SLC7A5: variants seen among roughly 807,000 people sequenced by gnomAD.
The protein encoded by SLC7A5 is solute carrier family 7 member 5.
SLC7A5 carries 23 observed loss-of-function variants against 50.2 expected under a neutral mutation model. The ratio of observed to expected loss-of-function variants is 0.46; its 90% CI spans 0.33 to 0.65. The LOEUF is 0.65. Ranked by LOEUF, SLC7A5 falls within the 30% of genes least tolerant of loss-of-function variation. The pLI is 0.02. For synonymous variants in SLC7A5, 393 were observed against 330.6 expected, an observed-to-expected ratio of 1.19 and a Z score of -2.05; for missense variants, 578 against 684.4, an observed-to-expected ratio of 0.84 and a Z score of 1.73.
Position 87,834,638 on chromosome 16 carries a change from C to T in SLC7A5, c.1291-47G>A, listed in dbSNP as rs748244857. On this transcript the variant is annotated intron_variant, in intron 8 of 9. Transcript: ENST00000261622. ...GGGTGAGCCCTCTCCTGTCCAGCCT[C>T]CCTCCCCCATGCCCCGAGGTTCCTC... is the stretch of plus-strand genomic sequence containing the variant. 5 of 1,552,756 alleles carry T rather than the reference C, an allele frequency of 3.2e-6. No individual in the cohort carries two copies. The Admixed American group carries it at 7.8e-5, about 24-fold the overall frequency.
chr16:87,847,605 C>A (rs75766238), intron 2 of SLC7A5, among the ~76,000 whole-genome samples: 75 of 152,294 alleles, frequency 4.9e-4, no homozygotes, highest in African/African-American at 1.8e-3. Context: ...TGACACCCCA[C>A]GTGAACCTCC....
At chr16:87,865,160 G>C (rs2055444635) in intron 1 of SLC7A5, among the ~76,000 whole-genome samples, 1 of 151,950 alleles carries the variant, frequency 6.6e-6, no homozygotes, top group Non-Finnish European at 1.5e-5. Flanking sequence ...CACTCTTGCA[G>C]AGAGTACATC....
rs2055216480 is a variant in SLC7A5 at position 87,851,064 on chromosome 16, C to T, written c.664+660G>A. Among the ~76,000 whole-genome samples the T allele has an allele frequency of 3.9e-5, 6 of 152,344 alleles. No homozygotes were observed. In the South Asian group the frequency reaches 1.2e-3, roughly 32 times the overall value. On this transcript the variant is annotated intron_variant, in intron 2 of 9. Coordinates refer to ENST00000261622, the MANE Select transcript of SLC7A5 (RefSeq NM_003486.7). ...TCAGAATCAGTGATTTCCCCAAGATCACACAGCACAAGACCAAAGTCTGGG... is the reference window on the plus strand; with the variant it reads ...TCAGAATCAGTGATTTCCCCAAGATTACACAGCACAAGACCAAAGTCTGGG...
intron 1 of SLC7A5, among the ~76,000 whole-genome samples, chr16:87,857,335 A>T (rs1194352194): frequency 6.6e-6 from 1 of 151,546 alleles, no homozygotes; most frequent in African/African-American, 2.4e-5. Flanking sequence ...CCATTCTCTC[A>T]CATCTACCTC....
intron 1 of SLC7A5, among the ~76,000 whole-genome samples, chr16:87,865,726 T>C (rs991266871): frequency 6.6e-6 from 1 of 152,030 alleles, no homozygotes; most frequent in Non-Finnish European, 1.5e-5. Context: ...AAAATAAAAA[T>C]AAATTTAAAA....
rs550709102 is a variant in SLC7A5, at chr16:87,837,499, G to C, written c.1140+346C>G. On this transcript the variant is annotated intron_variant, in intron 7 of 9. Coordinates refer to ENST00000261622, the MANE Select transcript of SLC7A5 (RefSeq NM_003486.7). ...TGGCACGGAAAGATGCAGGAGAAGC[G>C]GAAGGAAACTGTGTGTGATGCACCC... 1.3e-5 allele frequency: 4 copies of C among 315,374 alleles called. No individual in the cohort carries two copies. In the Admixed American group the frequency reaches 1.8e-4, roughly 14 times the overall value. The allele number at this position is 315,374 out of a possible 1,614,324, so 19.5% of individuals were successfully genotyped here. A position where few individuals can be genotyped will look rare whatever the true frequency, so the allele number is the denominator to read the frequency against.
intron 1 of SLC7A5, among the ~76,000 whole-genome samples, chr16:87,863,917 G>C (rs1207451472): frequency 6.8e-6 from 1 of 146,050 alleles, no homozygotes; most frequent in African/African-American, 2.5e-5. Context: ...GGAATAAGGG[G>C]GTAAAAGGTG....
At chr16:87,846,328 G>A (rs1315007934) in intron 2 of SLC7A5, among the ~76,000 whole-genome samples, 1 of 152,258 alleles carries the variant, frequency 6.6e-6, no homozygotes, top group African/African-American at 2.4e-5. Flanking sequence ...GCAGCTCGAG[G>A]CCGAGCTGTG....
At chr16:87,836,109 C>G (rs892862971) in intron 8 of SLC7A5, among the ~76,000 whole-genome samples, 1 of 152,250 alleles carries the variant, frequency 6.6e-6, no homozygotes, top group Non-Finnish European at 1.5e-5. Flanking sequence ...CCCAGGCGCT[C>G]CTCGGGCCGG....
In SLC7A5 at chr16:87,852,330, G is replaced by C. The variant is rs2055239588; in HGVS notation, c.539-481C>G. Among the ~76,000 whole-genome samples the C allele has an allele frequency of 6.6e-6, 1 of 152,200 alleles. No individual in the cohort carries two copies. Among genetic ancestry groups the C allele is most frequent in the South Asian group, 2.1e-4 (1 of 4,826 alleles). On this transcript the variant is annotated intron_variant, in intron 1 of 9. Transcript: ENST00000261622. The surrounding 1 kb of genome is among the most constrained non-coding windows in gnomAD (Gnocchi z 4.5). ...GCCCTTTCCTCAAAGAGGATCTTCT[G>C]TGGATTCCAACAGAAGTGGGGTGTC...
chr16:87,858,357 G>A (rs984916396), intron 1 of SLC7A5, among the ~76,000 whole-genome samples: 5 of 152,164 alleles, frequency 3.3e-5, no homozygotes, highest in Non-Finnish European at 7.3e-5. Context: ...GAAGCCGTGG[G>A]CACCAGTGAT....
rs2055249442 is a variant in SLC7A5, at chr16:87,852,651, T to TGTGTGTGTGC, written c.539-803_539-802insGCACACACAC. 6.9e-6 allele frequency among the ~76,000 whole-genome samples: 1 copy of TGTGTGTGTGC among 144,414 alleles called. No individual in the cohort carries two copies. Among genetic ancestry groups the TGTGTGTGTGC allele is most frequent in the South Asian group, 2.2e-4 (1 of 4,616 alleles). 94.7% of individuals were successfully genotyped at this position (144,414 alleles called of 152,430 possible). On this transcript the variant is annotated intron_variant, in intron 1 of 9. Transcript: ENST00000261622. The surrounding 1 kb of genome is among the most constrained non-coding windows in gnomAD (Gnocchi z 4.5). ...AGCTCTGAGCCTCTGTGTGTGTGTGTGTGTGTGTGTGTGTGTGTGTGTGTG... is the reference window on the plus strand; with the variant it reads ...AGCTCTGAGCCTCTGTGTGTGTGTGTGTGTGTGTGCGTGTGTGTGTGTGTGTGTGTGTGTG...
chr16:87,848,826 G>A (rs2055185131), intron 2 of SLC7A5, among the ~76,000 whole-genome samples: 1 of 152,248 alleles, frequency 6.6e-6, no homozygotes, highest in Non-Finnish European at 1.5e-5. Context: ...TTGGGACCCG[G>A]CATAGATGCG....
chr16:87,844,243 G>A (rs531536720), intron 2 of SLC7A5, among the ~76,000 whole-genome samples: 5 of 152,310 alleles, frequency 3.3e-5, no homozygotes, highest in East Asian at 1.9e-4. Context: ...GAAAGCAAAC[G>A]CACAGCCAAA....
rs1455640219 is a variant in SLC7A5, at chr16:87,831,335, G to T, written c.*1635C>A. 6.6e-6 allele frequency: 1 copy of T among 152,290 alleles called. No homozygotes were observed. Among genetic ancestry groups the T allele is most frequent in the African/African-American group, 2.4e-5 (1 of 41,452 alleles). 9.4% of individuals were successfully genotyped at this position (152,290 alleles called of 1,614,324 possible). ...TCTTCATTCCTCAAGCAAGAGAGACGGACATCTGGTCCTGAGTCCCCAAAC... is the reference window on the plus strand; with the variant it reads ...TCTTCATTCCTCAAGCAAGAGAGACTGACATCTGGTCCTGAGTCCCCAAAC... On this transcript the variant is annotated 3_prime_UTR_variant, in exon 10 of 10. Coordinates refer to ENST00000261622, the MANE Select transcript of SLC7A5 (RefSeq NM_003486.7).
intron 1 of SLC7A5, among the ~76,000 whole-genome samples, chr16:87,856,144 T>C (rs2055317094): frequency 6.6e-6 from 1 of 152,124 alleles, no homozygotes; most frequent in Admixed American, 6.5e-5. Context: ...GTCCCTTCTG[T>C]CATTTTCAGA....
At chr16:87,846,965 G>A (rs1473366017) in intron 2 of SLC7A5, among the ~76,000 whole-genome samples, 1 of 152,150 alleles carries the variant, frequency 6.6e-6, no homozygotes, top group Admixed American at 6.5e-5. Context: ...GCCGGGGGGC[G>A]GCAAAACTAG....
chr16:87,848,336 G>A (rs1440680854), intron 2 of SLC7A5, among the ~76,000 whole-genome samples: 1 of 152,338 alleles, frequency 6.6e-6, no homozygotes, highest in Non-Finnish European at 1.5e-5. Flanking sequence ...CAGGAGGGAC[G>A]TGCTGCTGCT....
intron 1 of SLC7A5, among the ~76,000 whole-genome samples, chr16:87,867,025 G>A (rs770184156): frequency 6.6e-6 from 1 of 151,326 alleles, no homozygotes; most frequent in East Asian, 2.0e-4. Context: ...TCCACATCCC[G>A]GAGCATGCCT....
Sources: allele counts gnomAD v4.1 joint callset (sites outside exome capture counted in the v4.1 genomes callset), GRCh38; gene constraint gnomAD v4.1.1; non-coding constraint Gnocchi (gnomAD v3.1); transcripts MANE v1.5; gene names NCBI Gene and HGNC (gene_info 2026-07-23, HGNC 2026-07-21).